Variants in CSMD3 observed in about 807,000 individuals in gnomAD.
CSMD3 encodes CUB and Sushi multiple domains 3.
CSMD3 carries 177 observed loss-of-function variants against 435.2 expected under a neutral mutation model. The observed-to-expected ratio is 0.41, with a 90% CI of 0.36 to 0.46. CSMD3 has a LOEUF of 0.46. Ranked by LOEUF, CSMD3 falls within the 20% of genes least tolerant of loss-of-function variation. The probability of loss-of-function intolerance (pLI) is 0.34; values close to 1 mark genes in which losing one functional copy is unlikely to be tolerated. For synonymous variants in CSMD3, 1,656 were observed against 1,520.5 expected (o/e 1.09, Z -2.07); for missense variants, 4,265 against 4,504.6 (o/e 0.95, Z 1.52).
intron 6 of CSMD3, chr8:113,018,775 A>C: frequency 2.7e-6 from 1 of 368,888 alleles, no homozygotes; most frequent in Non-Finnish European, 5.0e-6. Flanking sequence ...AACTTCAGAT[A>C]GTATATCCAA....
At chr8:113,194,954 C>T (rs1185455615) in intron 3 of CSMD3, among the ~76,000 whole-genome samples, 5 of 151,202 alleles carry the variant, frequency 3.3e-5, no homozygotes, top group Non-Finnish European at 5.9e-5. Flanking sequence ...GCATAGGTTA[C>T]AGAACCTTCC....
intron 5 of CSMD3, among the ~76,000 whole-genome samples, chr8:113,027,614 G>A (rs1367272553): frequency 6.6e-5 from 10 of 152,094 alleles, no homozygotes. Flanking sequence ...ACAAATCTAA[G>A]TATTGTGTTA....
intron 5 of CSMD3, among the ~76,000 whole-genome samples, chr8:113,094,523 C>T (rs983873853): frequency 1.3e-5 from 2 of 152,152 alleles, no homozygotes; most frequent in African/African-American, 2.4e-5. Context: ...TGCCAATAAA[C>T]AAGCAAAACC....
chr8:112,827,154 G>T (rs2132463657), intron 12 of CSMD3, among the ~76,000 whole-genome samples: 8 of 70,588 alleles, frequency 1.1e-4, no homozygotes, highest in South Asian at 5.6e-4. Flanking sequence ...TATTTTACTA[G>T]GTTACCATAA....
intron 3 of CSMD3, among the ~76,000 whole-genome samples, chr8:113,191,711 C>T (rs2092588392): frequency 6.6e-6 from 1 of 151,774 alleles, no homozygotes; most frequent in Non-Finnish European, 1.5e-5. Flanking sequence ...AATAGTGCTG[C>T]AATGAACATG....
At chr8:112,853,525 C>G (rs573960404) in intron 11 of CSMD3, among the ~76,000 whole-genome samples, 2 of 152,134 alleles carry the variant, frequency 1.3e-5, no homozygotes, top group Non-Finnish European at 2.9e-5. Context: ...CACACCTGGC[C>G]GTTCATCCAC....
chr8:112,627,899 TC>T (rs1249963388), intron 22 of CSMD3, among the ~76,000 whole-genome samples: 1 of 152,156 alleles, frequency 6.6e-6, no homozygotes, highest in Admixed American at 6.6e-5. Flanking sequence ...AAAACTAAGA[TC>T]CAGCCTCCAC....
intron 18 of CSMD3, among the ~76,000 whole-genome samples, chr8:112,651,302 T>A (rs2131637511): frequency 6.6e-6 from 1 of 152,314 alleles, no homozygotes; most frequent in Non-Finnish European, 1.5e-5. Context: ...TATTTATTTG[T>A]ATTAGCTACC....
chr8:112,770,818 C>T (rs997791345), intron 13 of CSMD3, among the ~76,000 whole-genome samples: 7 of 151,798 alleles, frequency 4.6e-5, no homozygotes, highest in Admixed American at 2.0e-4. Flanking sequence ...AATAAGAAAA[C>T]CATTTAGTCA....
intron 4 of CSMD3, among the ~76,000 whole-genome samples, chr8:113,109,701 A>G (rs1037693568): frequency 2.6e-5 from 4 of 152,080 alleles, no homozygotes; most frequent in African/African-American, 9.7e-5. Context: ...GGAGCTCTCC[A>G]AAGCTGAAAT....
At chr8:112,796,906 T>C (rs2078842982) in intron 13 of CSMD3, among the ~76,000 whole-genome samples, 1 of 152,032 alleles carries the variant, frequency 6.6e-6, no homozygotes, top group Non-Finnish European at 1.5e-5. Flanking sequence ...TGGCATTTTA[T>C]TCATTTATGC....
At chr8:113,348,540 A>T (rs1021438366) in intron 1 of CSMD3, among the ~76,000 whole-genome samples, 3 of 152,300 alleles carry the variant, frequency 2.0e-5, no homozygotes, top group Non-Finnish European at 4.4e-5. Context: ...AGGAAGATGC[A>T]AAAAGATGTA....
At chr8:113,263,841 G>A (rs2093446325) in intron 3 of CSMD3, among the ~76,000 whole-genome samples, 1 of 151,702 alleles carries the variant, frequency 6.6e-6, no homozygotes, top group African/African-American at 2.4e-5. Context: ...AATTATCAGT[G>A]TTAAAGCTGA....
chr8:112,475,873 T>C (rs1358514832), intron 31 of CSMD3, among the ~76,000 whole-genome samples: 2 of 152,190 alleles, frequency 1.3e-5, no homozygotes, highest in Non-Finnish European at 2.9e-5. Context: ...TTGGGTTCTA[T>C]TCTTATTTTT....
At chr8:112,316,352 T>C (rs1350268286) in intron 47 of CSMD3, among the ~76,000 whole-genome samples, 1 of 151,722 alleles carries the variant, frequency 6.6e-6, no homozygotes, top group East Asian at 1.9e-4. Flanking sequence ...AACTCTGACA[T>C]TGATTTTCAA....
intron 22 of CSMD3, among the ~76,000 whole-genome samples, chr8:112,636,510 T>C (rs1206047755): frequency 1.3e-5 from 2 of 151,810 alleles, no homozygotes; most frequent in Non-Finnish European, 2.9e-5. Flanking sequence ...CATCTATCTT[T>C]CTCCATATAT....
intron 11 of CSMD3, among the ~76,000 whole-genome samples, chr8:112,837,196 T>A (rs906647066): frequency 6.6e-6 from 1 of 151,840 alleles, no homozygotes; most frequent in African/African-American, 2.4e-5. Context: ...ATACAAGTTC[T>A]TTTGTATTTC....
chr8:113,021,487 A>T (rs1017244376), intron 5 of CSMD3, among the ~76,000 whole-genome samples: 1 of 152,204 alleles, frequency 6.6e-6, no homozygotes, highest in African/African-American at 2.4e-5. Flanking sequence ...GGCTGCACAC[A>T]TTTCCAGATG....
At chr8:113,284,860 T>C in intron 2 of CSMD3, among the ~76,000 whole-genome samples, 1 of 152,198 alleles carries the variant, frequency 6.6e-6, no homozygotes, top group East Asian at 1.9e-4. Flanking sequence ...TGAATGACAT[T>C]TTATGTTTCT....
Sources: gnomAD v4.1 joint callset for allele counts (sites outside exome capture counted in the v4.1 genomes callset) on GRCh38, gnomAD v4.1.1 for gene constraint, MANE v1.5 for transcripts, NCBI Gene and HGNC (gene_info 2026-07-23, HGNC 2026-07-21) for gene names.